Variants in SH3RF3 observed in about 807,000 individuals in gnomAD.
SH3RF3 encodes the protein E3 ubiquitin-protein ligase SH3RF3.
Under a neutral mutation model 66.3 loss-of-function variants are expected in SH3RF3, and 29 were observed. The ratio of observed to expected loss-of-function variants is 0.44; its 90% CI spans 0.33 to 0.60. The LOEUF is 0.60. SH3RF3 is among the 20% of genes least tolerant of loss of function. The pLI is 0.04. For missense variants in SH3RF3, 1,194 were observed against 1,190.9 expected, an observed-to-expected ratio of 1.00 and a Z score of -0.04; for synonymous variants, 583 against 532.0, an observed-to-expected ratio of 1.10 and a Z score of -1.32.
chr2:109,236,952 A>C (rs766934746), intron 1 of SH3RF3, among the ~76,000 whole-genome samples: 1 of 152,234 alleles, frequency 6.6e-6, no homozygotes, highest in Non-Finnish European at 1.5e-5. Flanking sequence ...AGAAATTTCA[A>C]CTGGCCTAAG....
intron 1 of SH3RF3, among the ~76,000 whole-genome samples, chr2:109,136,869 C>T (rs574215947): frequency 4.1e-4 from 63 of 152,194 alleles, no homozygotes; most frequent in South Asian, 3.3e-3. Flanking sequence ...GTGCTGCAGC[C>T]GGGCTCTCTG....
chr2:109,301,765 C>T (rs1681474908), intron 1 of SH3RF3, among the ~76,000 whole-genome samples: 2 of 152,200 alleles, frequency 1.3e-5, no homozygotes, highest in African/African-American at 4.8e-5. Flanking sequence ...CACTTTCCTA[C>T]CCATCCTTTT....
intron 1 of SH3RF3, among the ~76,000 whole-genome samples, chr2:109,136,632 A>G (rs142606618): frequency 1.3e-5 from 2 of 152,302 alleles, no homozygotes; most frequent in African/African-American, 4.8e-5. Context: ...GGAGACCTGA[A>G]GGAGGCCCAA....
chr2:109,320,322 G>C lies in SH3RF3; in HGVS notation c.574-27352G>C, dbSNP rs546681622. On this transcript the variant is annotated intron_variant, in intron 1 of 9. Coordinates refer to ENST00000309415, the MANE Select transcript of SH3RF3 (RefSeq NM_001099289.3). ...CAGCAGCCAGTGGCCACCTGGACTA[G>C]AGAGGGAGGTACAGGCCCTCACCCT... Among the ~76,000 whole-genome samples, 6 of 152,312 alleles carry C rather than the reference G, an allele frequency of 3.9e-5. No homozygotes were observed. The South Asian group carries it at 1.2e-3, about 32-fold the overall frequency.
intron 1 of SH3RF3, among the ~76,000 whole-genome samples, chr2:109,293,616 A>C (rs114486405): frequency 6.6e-6 from 1 of 152,230 alleles, no homozygotes; most frequent in African/African-American, 2.4e-5. Context: ...AAGTAAGTCA[A>C]GTTTCCAAGA....
rs945311571 is a variant in SH3RF3 at position 109,192,386 on chromosome 2, G to T, written c.573+62273G>T. ...GCAGGCATCATTCTCAAAATGTGGA[G>T]TATTTATAGCATATGTTACTCATAG... On this transcript the variant is annotated intron_variant, in intron 1 of 9. Transcript: ENST00000309415. Among the ~76,000 whole-genome samples the T allele has an allele frequency of 4.6e-5, 7 of 152,208 alleles. 1 individual carries two copies. The East Asian group carries it at 1.3e-3, about 29-fold the overall frequency.
At chr2:109,152,898 G>A (rs1422328163) in intron 1 of SH3RF3, among the ~76,000 whole-genome samples, 1 of 152,188 alleles carries the variant, frequency 6.6e-6, no homozygotes, top group East Asian at 1.9e-4. Context: ...TGTTCTCGAT[G>A]GAGGCACGCA....
intron 7 of SH3RF3, among the ~76,000 whole-genome samples, chr2:109,445,681 A>ATG (rs1677683630): frequency 6.6e-6 from 1 of 151,800 alleles, no homozygotes; most frequent in Non-Finnish European, 1.5e-5. Context: ...GGTATCAAGG[A>ATG]TGTGGGTGAA....
At chr2:109,404,893 A>C (rs1676414938) in intron 4 of SH3RF3, among the ~76,000 whole-genome samples, 1 of 152,104 alleles carries the variant, frequency 6.6e-6, no homozygotes, top group South Asian at 2.1e-4. Flanking sequence ...GACGCTGTGG[A>C]CAGCACCCCT....
chr2:109,234,281 C>T (rs1355047308), intron 1 of SH3RF3, among the ~76,000 whole-genome samples: 2 of 152,316 alleles, frequency 1.3e-5, no homozygotes, highest in East Asian at 3.9e-4. Context: ...GTAAATGCAC[C>T]TTTCATGGAC....
In SH3RF3 at chr2:109,296,636, G is replaced by C. The variant is rs137936105; in HGVS notation, c.574-51038G>C. Among the ~76,000 whole-genome samples the C allele has an allele frequency of 8.0e-3, 1,213 of 152,258 alleles. 12 individuals carry two copies. Among genetic ancestry groups the C allele is most frequent in the East Asian group, 0.038 (195 of 5,164 alleles). On this transcript the variant is annotated intron_variant, in intron 1 of 9. Coordinates refer to ENST00000309415, the MANE Select transcript of SH3RF3 (RefSeq NM_001099289.3). Reference sequence around the variant, plus strand: ...TCAGGGACTCAGGGTAAATGAGCTGGGCCCTGCACCATCTGTTCTTGCTCC... The same window carrying C: ...TCAGGGACTCAGGGTAAATGAGCTGCGCCCTGCACCATCTGTTCTTGCTCC...
intron 1 of SH3RF3, among the ~76,000 whole-genome samples, chr2:109,230,880 T>C (rs1679498422): frequency 6.6e-6 from 1 of 152,170 alleles, no homozygotes; most frequent in Non-Finnish European, 1.5e-5. Flanking sequence ...AGGACTCCCT[T>C]TGGGGGCTTT....
At chr2:109,216,407 G>C (rs1218691188) in intron 1 of SH3RF3, among the ~76,000 whole-genome samples, 1 of 152,240 alleles carries the variant, frequency 6.6e-6, no homozygotes, top group Admixed American at 6.5e-5. Flanking sequence ...AAAACGGTGA[G>C]ATCCACTTTG....
chr2:109,276,062 C>T (rs905543107), intron 1 of SH3RF3, among the ~76,000 whole-genome samples: 1 of 152,152 alleles, frequency 6.6e-6, no homozygotes, highest in African/African-American at 2.4e-5. Context: ...AGCAACCCTT[C>T]ATTCAGGAGG....
intron 1 of SH3RF3, among the ~76,000 whole-genome samples, chr2:109,139,161 C>T (rs956216008): frequency 2.1e-4 from 32 of 152,202 alleles, no homozygotes; most frequent in African/African-American, 7.2e-4. Context: ...ATCTGCGTAA[C>T]TTAAAAATTG....
At chr2:109,204,222 C>CTG (rs1372271332) in intron 1 of SH3RF3, among the ~76,000 whole-genome samples, 1 of 152,206 alleles carries the variant, frequency 6.6e-6, no homozygotes, top group Non-Finnish European at 1.5e-5. Context: ...GTCTGTCTGT[C>CTG]TGTCTTGGGT....
At chr2:109,291,439 G>A (rs754680562) in intron 1 of SH3RF3, among the ~76,000 whole-genome samples, 59 of 152,322 alleles carry the variant, frequency 3.9e-4, no homozygotes, top group Non-Finnish European at 6.8e-4. Context: ...CCTGGCTGCC[G>A]TGCAGGAGTC....
intron 1 of SH3RF3, among the ~76,000 whole-genome samples, chr2:109,321,109 A>G (rs1682016202): frequency 6.6e-6 from 1 of 152,260 alleles, no homozygotes; most frequent in Admixed American, 6.5e-5. Flanking sequence ...AGTAGTATTC[A>G]TGGAAGAAAG....
At chr2:109,221,701 C>T (rs1042513015) in intron 1 of SH3RF3, among the ~76,000 whole-genome samples, 1 of 152,034 alleles carries the variant, frequency 6.6e-6, no homozygotes, top group African/African-American at 2.4e-5. Flanking sequence ...TTTCCTTCCC[C>T]AATTTTTAAT....
Sources: gnomAD v4.1 joint callset for allele counts (sites outside exome capture counted in the v4.1 genomes callset) on GRCh38, gnomAD v4.1.1 for gene constraint, MANE v1.5 for transcripts, NCBI Gene and HGNC (gene_info 2026-07-23, HGNC 2026-07-21) for gene names.